The following LZTFL1 variants were observed in gnomAD, a reference collection of about 807,000 sequenced individuals.
LZTFL1 encodes leucine zipper transcription factor-like protein 1.
Under a neutral mutation model 45.9 loss-of-function variants are expected in LZTFL1, and 25 were observed. That is an observed-to-expected ratio of 0.54 (90% CI 0.40 to 0.76). The LOEUF (loss-of-function observed/expected upper bound fraction) is 0.76, where lower values mean the gene tolerates loss of function less well. Ranked by LOEUF, LZTFL1 falls within the 30% of genes least tolerant of loss-of-function variation. The pLI is 0.00. For synonymous variants in LZTFL1, 93 were observed against 117.4 expected, an observed-to-expected ratio of 0.79 and a Z score of 1.35; for missense variants, 277 against 331.1, an observed-to-expected ratio of 0.84 and a Z score of 1.27.
At chr3:45,870,416 C>G (rs1701653640) in intron 2 of LZTFL1, among the ~76,000 whole-genome samples, 1 of 152,136 alleles carries the variant, frequency 6.6e-6, no homozygotes, top group South Asian at 2.1e-4. Context: ...CACAGTGTGG[C>G]ATAGGGTGGA....
chr3:45,855,271 T>G (rs1388797670), intron 3 of LZTFL1, among the ~76,000 whole-genome samples: 2 of 152,166 alleles, frequency 1.3e-5, no homozygotes, highest in African/African-American at 2.4e-5. Flanking sequence ...TGCAAATCAA[T>G]AAGTGTAATC....
chr3:45,875,590 G>A (rs1175886294), intron 2 of LZTFL1, among the ~76,000 whole-genome samples: 1 of 152,190 alleles, frequency 6.6e-6, no homozygotes, highest in Non-Finnish European at 1.5e-5. Flanking sequence ...AGGAGGCCAA[G>A]ACAGGTGGAT....
intron 2 of LZTFL1, among the ~76,000 whole-genome samples, chr3:45,898,704 C>T (rs1481626474): frequency 1.6e-4 from 25 of 152,252 alleles, no homozygotes; most frequent in Non-Finnish European, 3.7e-4. Flanking sequence ...CTAACATCTA[C>T]TGTCCTTTAT....
chr3:45,877,141 A>C (rs1701760650), intron 2 of LZTFL1, among the ~76,000 whole-genome samples: 1 of 152,196 alleles, frequency 6.6e-6, no homozygotes, highest in South Asian at 2.1e-4. Context: ...TTGAAAAATA[A>C]ACTCCAAGTT....
intron 2 of LZTFL1, chr3:45,886,498 G>A (rs1360144963): frequency 6.6e-6 from 1 of 152,356 alleles, no homozygotes. Flanking sequence ...AGGCAGGGGT[G>A]GCCTGGCTTC....
intron 2 of LZTFL1, among the ~76,000 whole-genome samples, chr3:45,871,322 G>C (rs1207858822): frequency 6.6e-6 from 1 of 152,142 alleles, no homozygotes; most frequent in Non-Finnish European, 1.5e-5. Flanking sequence ...GCACCCTCAG[G>C]AATGGGTGAG....
chr3:45,841,756 G>T, intron 1 of LZTFL1: 1 of 593,780 alleles, frequency 1.7e-6, no homozygotes, highest in Non-Finnish European at 3.0e-6. Flanking sequence ...ACGAAGCGAT[G>T]CGGCGGAGCT....
intron 2 of LZTFL1, chr3:45,897,625 AC>A: frequency 2.0e-6 from 3 of 1,534,448 alleles, no homozygotes; most frequent in Non-Finnish European, 8.7e-7. Context: ...TCCTTCCAGG[AC>A]CTTAGCCCAG....
intron 2 of LZTFL1, among the ~76,000 whole-genome samples, chr3:45,885,814 T>G (rs1245052672): frequency 6.6e-6 from 1 of 152,238 alleles, no homozygotes; most frequent in Non-Finnish European, 1.5e-5. Flanking sequence ...CTCTGCCTCC[T>G]GATCCTTCCA....
chr3:45,834,551 C>A, intron 3 of LZTFL1: 1 of 313,990 alleles, frequency 3.2e-6, no homozygotes, highest in African/African-American at 2.1e-5. Flanking sequence ...TAGAAATAAA[C>A]CATAATGTTA....
Position 45,839,761 on chromosome 3 carries a change from T to C in LZTFL1, c.4-1710A>G, listed in dbSNP as rs566865397. On this transcript the variant is annotated intron_variant, in intron 1 of 9. Transcript: ENST00000296135. The stretch of plus-strand genomic sequence containing the variant: ...AAGCCACCAATATAATGTCACTGAA[T>C]GAAGAGGTAAGAAGAAATGCATACA... 1.1e-4 allele frequency among the ~76,000 whole-genome samples: 16 copies of C among 152,312 alleles called. No individual in the cohort carries two copies. In the East Asian group the frequency reaches 2.5e-3, roughly 24 times the overall value.
chr3:45,898,239 C>T (rs1389851439), intron 2 of LZTFL1, among the ~76,000 whole-genome samples: 2 of 152,158 alleles, frequency 1.3e-5, no homozygotes, highest in African/African-American at 2.4e-5. Context: ...TCCACTCAAA[C>T]CTCACCTCCT....
At chr3:45,829,197 G>A (rs1700748513) in intron 7 of LZTFL1, among the ~76,000 whole-genome samples, 1 of 152,110 alleles carries the variant, frequency 6.6e-6, no homozygotes, top group Non-Finnish European at 1.5e-5. Context: ...GACAGGCACT[G>A]GATCTTCTCT....
chr3:45,898,505 A>G (rs1702441169), intron 2 of LZTFL1, among the ~76,000 whole-genome samples: 1 of 152,206 alleles, frequency 6.6e-6, no homozygotes, highest in Non-Finnish European at 1.5e-5. Flanking sequence ...TTTGTGGGCC[A>G]TTTCCAGCTG....
chr3:45,861,510 G>C (rs1297474728), intron 2 of LZTFL1, among the ~76,000 whole-genome samples: 6 of 152,176 alleles, frequency 3.9e-5, no homozygotes, highest in Admixed American at 6.5e-5. Context: ...CTGAGGAGGG[G>C]TGGGGGAATG....
intron 2 of LZTFL1, among the ~76,000 whole-genome samples, chr3:45,907,301 G>A (rs1261451742): frequency 6.6e-6 from 1 of 152,226 alleles, no homozygotes; most frequent in Non-Finnish European, 1.5e-5. Flanking sequence ...TTCCTGAAAA[G>A]CTGTGGCTGC....
At position 45,825,194 on chromosome 3, in the gene LZTFL1, AG is replaced by A. The variant is rs1700633237; in HGVS notation, c.*1119del. 3.4e-6 allele frequency: 1 copy of A among 291,710 alleles called. No individual in the cohort carries two copies. Among genetic ancestry groups the A allele is most frequent in the Admixed American group, 5.1e-5 (1 of 19,596 alleles). The allele number at this position is 291,710 out of a possible 1,614,324, so 18.1% of individuals were successfully genotyped here. On this transcript the variant is annotated 3_prime_UTR_variant, in exon 10 of 10. Transcript: ENST00000296135. ...GTCTCTTAGTAGACAGTGTTCATTT[AG>A]GGTGTGATACTCTCACTTTTAGAAG... is the stretch of plus-strand genomic sequence containing the variant.
intron 4 of LZTFL1, among the ~76,000 whole-genome samples, chr3:45,847,650 T>A (rs956023506): frequency 2.0e-5 from 3 of 152,254 alleles, no homozygotes; most frequent in Non-Finnish European, 4.4e-5. Flanking sequence ...ATAAGGGTGC[T>A]TGTTGTCCAG....
chr3:45,894,524 CA>C (rs1702289508), intron 2 of LZTFL1, among the ~76,000 whole-genome samples: 1 of 152,118 alleles, frequency 6.6e-6, no homozygotes. Flanking sequence ...CAGGACTTGA[CA>C]GACAAGCTGA....
Sources: gnomAD v4.1 joint callset for allele counts (sites outside exome capture counted in the v4.1 genomes callset) on GRCh38, gnomAD v4.1.1 for gene constraint, MANE v1.5 for transcripts, NCBI Gene and HGNC (gene_info 2026-07-23, HGNC 2026-07-21) for gene names.